The following MICAL1 variants were observed in gnomAD, a reference collection of about 807,000 sequenced individuals.
MICAL1 encodes the protein microtubule associated monooxygenase, calponin and LIM domain containing 1, also known as [F-actin]-monooxygenase MICAL1.
In MICAL1, 95 loss-of-function variants were observed where a neutral mutation model predicts 131.8. The observed-to-expected ratio is 0.72, with a 90% CI of 0.61 to 0.86. The LOEUF (loss-of-function observed/expected upper bound fraction) is 0.86, where lower values mean the gene tolerates loss of function less well. MICAL1 is among the 40% of genes least tolerant of loss of function. The pLI, the probability that MICAL1 is intolerant of heterozygous loss-of-function variation, is 0.00. For missense variants in MICAL1, 1,292 were observed against 1,380.6 expected, an observed-to-expected ratio of 0.94 and a Z score of 1.02; for synonymous variants, 546 against 554.2, an observed-to-expected ratio of 0.99 and a Z score of 0.21.
At position 109,448,802 on chromosome 6, in the gene MICAL1, C is replaced by G; in HGVS notation, c.1594G>C (p.Asp532His). Reference sequence around the variant, plus strand: ...CCATCAGCCCAGGAGGAAGACAAATCGGAGACGTGGACTCCCGGGTACCCA... The same window carrying G: ...CCATCAGCCCAGGAGGAAGACAAATGGGAGACGTGGACTCCCGGGTACCCA... ...TAGYPGVHVS[D>H]LSSSWADGLA... is the part of the protein sequence containing the mutation. The change falls in exon 12 of 25, where the codon GAT becomes CAT. Residue 532 changes from aspartate to histidine, a missense_variant. Physicochemically the swap from Asp to His is moderately conservative, Grantham distance 81 (BLOSUM62 -1). Coordinates refer to ENST00000358807, the MANE Select transcript of MICAL1 (RefSeq NM_022765.4). 10 of 1,614,068 alleles carry G rather than the reference C, an allele frequency of 6.2e-6. No homozygotes were observed. The highest frequency in any genetic ancestry group is 8.5e-6 in the Non-Finnish European group (10 of 1,179,998).
chr6:109,445,947 G>C, intron 19 of MICAL1, 85 bp from the exon 20 acceptor site: 1 of 1,537,528 alleles, frequency 6.5e-7, no homozygotes, highest in Non-Finnish European at 8.8e-7. Context: ...CGGAGGCCCT[G>C]CAAGTCTGGT....
chr6:109,452,878 C>G (rs1216813731), intron 4 of MICAL1, among the ~76,000 whole-genome samples: 1 of 152,190 alleles, frequency 6.6e-6, no homozygotes, highest in Non-Finnish European at 1.5e-5. Context: ...AGACTCCTGG[C>G]TGGCATGGTG....
At chr6:109,463,888 G>T (rs1020284598) in intron 1 of MICAL1, 1 of 152,130 alleles carries the variant, frequency 6.6e-6, no homozygotes, top group Admixed American at 6.6e-5. Flanking sequence ...GACCTATGTT[G>T]TTCATGTTAT....
chr6:109,447,019 C>T, intron 17 of MICAL1, 54 bp downstream of exon 17: 1 of 1,590,784 alleles, frequency 6.3e-7, no homozygotes, highest in Admixed American at 1.7e-5. Context: ...GCTCTGTGTC[C>T]CCCAAGCAGG....
Position 109,447,666 on chromosome 6 carries a change from C to T in MICAL1, c.1986+15G>A, listed in dbSNP as rs539123280. ...ATGTGGGGTAGGAGACCGACCCGCC[C>T]CTGCCTGCATTCACCTCCAAGCGCA... On this transcript the variant is annotated intron_variant, in intron 15 of 24. Transcript: ENST00000358807. The T allele has an allele frequency of 1.2e-6, 2 of 1,613,926 alleles. No individual in the cohort carries two copies. The highest frequency in any genetic ancestry group is 2.2e-5 in the East Asian group (1 of 44,866).
In MICAL1 at chr6:109,454,234, G is replaced by A. The variant is rs1466427219; in HGVS notation, c.-38C>T. The A allele has an allele frequency of 3.9e-6, 6 of 1,557,934 alleles. No homozygotes were observed. The highest frequency in any genetic ancestry group is 3.8e-5 in the Admixed American group (2 of 51,954). ...GGGAGGGCAGCAGCTGGGCAGAGAT[G>A]AGTGGCTGGAGAGGTGGAAAAAGAA... On this transcript the variant is annotated 5_prime_UTR_variant, in exon 2 of 25. Coordinates refer to ENST00000358807, the MANE Select transcript of MICAL1 (RefSeq NM_022765.4).
intron 15 of MICAL1, 119 bp downstream of exon 15, chr6:109,447,562 G>C: frequency 2.0e-6 from 3 of 1,521,334 alleles, no homozygotes; most frequent in East Asian, 2.3e-5. Flanking sequence ...GAGGCTGGAT[G>C]GGGGGGTTAC....
intron 1 of MICAL1, among the ~76,000 whole-genome samples, chr6:109,460,810 TTAAGGA>T (rs1428849393): frequency 1.3e-5 from 2 of 152,122 alleles, no homozygotes; most frequent in African/African-American, 4.8e-5. Context: ...TTAATGCTTA[TTAAGGA>T]TAACAAAAAT....
chr6:109,447,251 A>G (rs758559506), intron 16 of MICAL1, 22 bp from the exon 17 acceptor site: 2 of 1,613,822 alleles, frequency 1.2e-6, no homozygotes, highest in Non-Finnish European at 8.5e-7. Context: ...CCCAGGACAC[A>G]GGGTCAGGTG....
chr6:109,453,554 C>T, intron 3 of MICAL1, 84 bp downstream of exon 3: 1 of 1,524,284 alleles, frequency 6.6e-7, no homozygotes, highest in South Asian at 1.2e-5. Context: ...TCCACTTCGA[C>T]ATTTGGCTGT....
chr6:109,460,065 A>T (rs1286388043), upstream of MICAL1, among the ~76,000 whole-genome samples: 2 of 149,294 alleles, frequency 1.3e-5, no homozygotes, highest in Non-Finnish European at 3.0e-5. Context: ...CTTTTTTCAC[A>T]CTTCACACTG....
upstream of MICAL1, among the ~76,000 whole-genome samples, chr6:109,460,014 G>T (rs574851227): frequency 1.3e-5 from 2 of 152,260 alleles, no homozygotes; most frequent in African/African-American, 4.8e-5. Flanking sequence ...TATGAATTCA[G>T]AATAAAAGTT....
intron 7 of MICAL1, 78 bp downstream of exon 7, chr6:109,451,522 G>A: frequency 1.3e-6 from 2 of 1,561,812 alleles, no homozygotes; most frequent in South Asian, 2.3e-5. Context: ...CCACACCCAG[G>A]TGTCGACTAT....
At chr6:109,448,464 A>AGGAGGGGAGGGACAGCAAGCAGCAGCTGG in intron 12 of MICAL1, 71 bp from the exon 13 acceptor site, 1 of 1,549,382 alleles carries the variant, frequency 6.5e-7, no homozygotes. Flanking sequence ...GAAGGGCAGC[A>AGGAGGGGAGGGACAGCAAGCAGCAGCTGG]GGAGGGGAGG....
chr6:109,446,595 A>G, intron 18 of MICAL1, 101 bp downstream of exon 18: 5 of 1,387,982 alleles, frequency 3.6e-6, no homozygotes, highest in Non-Finnish European at 5.0e-6. Flanking sequence ...CTTACATGCT[A>G]GTAGAAGACG....
intron 13 of MICAL1, 66 bp from the exon 14 acceptor site, chr6:109,448,029 GTCAC>G: frequency 5.4e-6 from 8 of 1,477,884 alleles, no homozygotes; most frequent in South Asian, 3.8e-5. Context: ...AGAACAGACA[GTCAC>G]TCTCCAACCC....
chr6:109,450,381 C>T lies in MICAL1; in HGVS notation c.1110G>A (p.Met370Ile), dbSNP rs946052158. Residue 370 changes from methionine to isoleucine, a missense_variant, in exon 8 of 25, where the codon ATG becomes ATA. By Grantham distance (10) the Met-to-Ile change is conservative. Transcript: ENST00000358807. Reference protein sequence around the residue: ...DVSAFDFTSMMRAESSARVQE... With the variant: ...DVSAFDFTSMIRAESSARVQE... ...GCACACGAGCAGAACTCTCTGCCCG[C>T]ATCATGCTCGTGAAGTCAAAGGCAG... 1.7e-5 allele frequency: 27 copies of T among 1,613,320 alleles called. No individual in the cohort carries two copies. The highest frequency in any genetic ancestry group is 2.1e-5 in the Non-Finnish European group (25 of 1,179,808).
At chr6:109,453,438 TGGTCAG>T (rs1775620022) in intron 3 of MICAL1, 71 bp from the exon 4 acceptor site, 8 of 1,559,624 alleles carry the variant, frequency 5.1e-6, no homozygotes, top group Non-Finnish European at 7.0e-6. Context: ...AGTGTGTGCC[TGGTCAG>T]GGTCAGACTG....
chr6:109,451,420 C>G (rs575006565), intron 7 of MICAL1, among the ~76,000 whole-genome samples, 180 bp downstream of exon 7: 1 of 152,272 alleles, frequency 6.6e-6, no homozygotes, highest in Admixed American at 6.5e-5. Flanking sequence ...TCCCAAAGTG[C>G]TGGGATTACA....
Sources: gnomAD v4.1 joint callset for allele counts (sites outside exome capture counted in the v4.1 genomes callset) on GRCh38, gnomAD v4.1.1 for gene constraint, MANE v1.5 for transcripts, NCBI Gene and HGNC (gene_info 2026-07-23, HGNC 2026-07-21) for gene names.